Variants in MORC2 observed in about 807,000 individuals in gnomAD.
MORC2 encodes MORC family CW-type zinc finger 2.
In MORC2, 30 loss-of-function variants were observed where a neutral mutation model predicts 136.0. That is an observed-to-expected ratio of 0.22 (90% CI 0.17 to 0.30). MORC2 has a LOEUF of 0.30. Among genes scored for constraint, MORC2 ranks in the 10% least tolerant of loss-of-function variants. The pLI is 1.00. For missense variants in MORC2, 922 were observed against 1,333.1 expected, an observed-to-expected ratio of 0.69 and a Z score of 4.80; for synonymous variants, 439 against 487.0, an observed-to-expected ratio of 0.90 and a Z score of 1.30.
Position 30,932,221 on chromosome 22 carries a change from G to C in MORC2, c.2841+138C>G, listed in dbSNP as rs1020436940. Reference sequence around the variant, plus strand: ...CTCCTCTTCTTTCAGCAGGAGAGAGGCTGGCTGAGATGGAGCACACAGCTG... The same window carrying C: ...CTCCTCTTCTTTCAGCAGGAGAGAGCCTGGCTGAGATGGAGCACACAGCTG... On this transcript the variant is annotated intron_variant, in intron 24 of 25. Coordinates refer to ENST00000397641, the MANE Select transcript of MORC2 (RefSeq NM_001303256.3). The surrounding 1 kb of genome is among the most constrained non-coding windows in gnomAD (Gnocchi z 4.4). 16 of 796,554 alleles carry C rather than the reference G, an allele frequency of 2.0e-5. No individual in the cohort carries two copies. The highest frequency in any genetic ancestry group is 6.9e-5 in the South Asian group (4 of 58,330). The allele number at this position is 796,554 out of a possible 1,614,324, so 49.3% of individuals were successfully genotyped here. A position where few individuals can be genotyped will look rare whatever the true frequency, so the allele number is the denominator to read the frequency against.
At chr22:30,955,020 G>C (rs1446700390) in intron 3 of MORC2, among the ~76,000 whole-genome samples, 2 of 142,190 alleles carry the variant, frequency 1.4e-5, no homozygotes, top group Non-Finnish European at 3.0e-5. Context: ...GTGCAATGGT[G>C]CGATCTTGGC....
chr22:30,936,592 C>G lies in MORC2; in HGVS notation c.1656G>C (p.Lys552Asn), dbSNP rs2040655083. Residue 552 changes from lysine (K) to asparagine (N), a missense_variant, in exon 17 of 26, where the codon AAG becomes AAC. Physicochemically the swap from Lys to Asn is moderately conservative, Grantham distance 94. Transcript: ENST00000397641. ...KQKVPLGTFR[K>N]DMKTQEEKQK... ...GCTTCTCTTCCTGCGTCTTCATGTCCTTTCTGAATGTTCCCAGGGGAACCT... is the reference window on the plus strand; with the variant it reads ...GCTTCTCTTCCTGCGTCTTCATGTCGTTTCTGAATGTTCCCAGGGGAACCT... 1 of 1,614,148 alleles carries G rather than the reference C, an allele frequency of 6.2e-7. No homozygotes were observed. Among genetic ancestry groups the G allele is most frequent in the Non-Finnish European group, 8.5e-7 (1 of 1,180,032 alleles).
At chr22:30,954,527 C>T (rs1241514249) in intron 3 of MORC2, among the ~76,000 whole-genome samples, 2 of 152,160 alleles carry the variant, frequency 1.3e-5, no homozygotes, top group East Asian at 3.8e-4. Context: ...ATTGTCTCTC[C>T]AATTAAAGAC....
intron 1 of MORC2, chr22:30,966,961 T>C (rs2041137314): frequency 6.3e-6 from 2 of 319,780 alleles, no homozygotes; most frequent in Non-Finnish European, 9.0e-6. Context: ...TATTACTACA[T>C]AATGGAAGTC....
intron 2 of MORC2, among the ~76,000 whole-genome samples, chr22:30,957,767 G>GT (rs1011976995): frequency 3.7e-4 from 57 of 152,178 alleles, no homozygotes; most frequent in African/African-American, 1.3e-3. Flanking sequence ...GAGTTTTCTG[G>GT]TTAAACAACT....
intron 17 of MORC2, 70 bp from the exon 18 acceptor site, chr22:30,935,392 G>T: frequency 6.8e-7 from 1 of 1,470,886 alleles, no homozygotes; most frequent in Non-Finnish European, 9.4e-7. Flanking sequence ...TTTGGATAGT[G>T]TCTGGAACCA....
At chr22:30,928,278 C>T (rs751691602) in intron 24 of MORC2, 71 bp from the exon 25 acceptor site, 17 of 1,493,542 alleles carry the variant, frequency 1.1e-5, no homozygotes, top group Middle Eastern at 1.7e-4. Context: ...TAGGCTGACA[C>T]GGGTGTCTCC....
At chr22:30,942,783 C>T (rs1279059673) in intron 6 of MORC2, among the ~76,000 whole-genome samples, 1 of 152,028 alleles carries the variant, frequency 6.6e-6, no homozygotes, top group East Asian at 1.9e-4. Flanking sequence ...GGTGGATGGA[C>T]TGCCTGAGCT....
chr22:30,937,807 C>T lies in MORC2; in HGVS notation c.1369+8G>A, dbSNP rs748333692. On this transcript the variant is annotated splice_region_variant and intron_variant, in intron 14 of 25. Coordinates refer to ENST00000397641, the MANE Select transcript of MORC2 (RefSeq NM_001303256.3). The surrounding 1 kb of genome is among the most constrained non-coding windows in gnomAD (Gnocchi z 4.7). ...AAAGGCAGAGGCCCAGCAGCCCAGCCCCATTACCGATGGCAATATCCTTCC... is the reference window on the plus strand; with the variant it reads ...AAAGGCAGAGGCCCAGCAGCCCAGCTCCATTACCGATGGCAATATCCTTCC... 1 of 1,614,128 alleles carries T rather than the reference C, an allele frequency of 6.2e-7. No homozygotes were observed. Among genetic ancestry groups the T allele is most frequent in the South Asian group, 1.1e-5 (1 of 91,068 alleles).
intron 25 of MORC2, 69 bp downstream of exon 25, chr22:30,927,950 A>C (rs1426726417): frequency 1.3e-6 from 2 of 1,571,990 alleles, no homozygotes; most frequent in Non-Finnish European, 1.7e-6. Context: ...GAGAACAGGA[A>C]CAGGGCCCAG....
rs113581157 is a variant in MORC2 at position 30,937,080 on chromosome 22, A to C, written c.1499-43T>G. On this transcript the variant is annotated intron_variant, in intron 15 of 25. Transcript: ENST00000397641. This position sits in a 1 kb window ranked among gnomAD's most constrained non-coding sequence, Gnocchi z 4.7. Reference sequence around the variant, plus strand: ...ACCCCACATATCAGCCACGCCCACCAACTCTATCTGTAATCCGGGTTCCTC... The same window carrying C: ...ACCCCACATATCAGCCACGCCCACCCACTCTATCTGTAATCCGGGTTCCTC... 4.4e-5 allele frequency: 62 copies of C among 1,423,072 alleles called. 1 individual carries two copies. The highest frequency in any genetic ancestry group is 4.2e-4 in the African/African-American group (30 of 71,152). The allele number at this position is 1,423,072 out of a possible 1,614,324, so 88.2% of individuals were successfully genotyped here. A position where few individuals can be genotyped will look rare whatever the true frequency, so the allele number is the denominator to read the frequency against.
rs28712695 is a variant in MORC2 at position 30,962,690 on chromosome 22, C to T, written c.69-3996G>A. On this transcript the variant is annotated intron_variant, in intron 1 of 25. Transcript: ENST00000397641. ...ATATTTCAGATAAGCTAACAGTAGC[C>T]TTTACAATGTAGCCAAAGGGTACTT... Among the ~76,000 whole-genome samples, 568 of 151,930 alleles carry T rather than the reference C, an allele frequency of 3.7e-3. 4 individuals are homozygous for T. The highest frequency in any genetic ancestry group is 0.014 in the Middle Eastern group (4 of 290).
chr22:30,949,304 C>T (rs2040857941), intron 5 of MORC2, among the ~76,000 whole-genome samples: 1 of 152,188 alleles, frequency 6.6e-6, no homozygotes, highest in Non-Finnish European at 1.5e-5. Context: ...ACGGAGGGCT[C>T]ACATCTCTCT....
intron 1 of MORC2, among the ~76,000 whole-genome samples, chr22:30,966,497 G>A (rs769570056): frequency 6.6e-6 from 1 of 152,098 alleles, no homozygotes; most frequent in Non-Finnish European, 1.5e-5. Flanking sequence ...GCTACAGGCC[G>A]GCCATGGTGG....
chr22:30,927,315 T>G (rs1449090396), intron 25 of MORC2, among the ~76,000 whole-genome samples: 1 of 151,656 alleles, frequency 6.6e-6, no homozygotes, highest in African/African-American at 2.4e-5. Flanking sequence ...GCCACACCCC[T>G]CCAGTGATCT....
chr22:30,947,227 G>A (rs1490554218), intron 5 of MORC2, among the ~76,000 whole-genome samples: 1 of 152,222 alleles, frequency 6.6e-6, no homozygotes, highest in East Asian at 1.9e-4. Context: ...TGGGAACTGT[G>A]CCTTGAGGCT....
At chr22:30,961,947 G>A (rs781519680) in intron 1 of MORC2, among the ~76,000 whole-genome samples, 13 of 152,080 alleles carry the variant, frequency 8.5e-5, no homozygotes, top group Non-Finnish European at 1.9e-4. Flanking sequence ...TATAAACCCA[G>A]CACTTTGGGA....
At position 30,932,846 on chromosome 22, in the gene MORC2, CCTCCTTCGAGGAACCA is replaced by C. The variant is rs1410567700; in HGVS notation, c.2522+27_2522+42del. On this transcript the variant is annotated intron_variant, in intron 22 of 25. Coordinates refer to ENST00000397641, the MANE Select transcript of MORC2 (RefSeq NM_001303256.3). The surrounding 1 kb of genome is among the most constrained non-coding windows in gnomAD (Gnocchi z 4.4). ...GCTGCTGGCAGGGAGGCCGGGGATA[CCTCCTTCGAGGAACCA>C]CTGCTCCTCCCTGATTGGGGCATTA... 1.2e-6 allele frequency: 2 copies of C among 1,613,698 alleles called. 1 individual carries two copies. The highest frequency in any genetic ancestry group is 4.5e-5 in the East Asian group (2 of 44,874).
intron 17 of MORC2, among the ~76,000 whole-genome samples, chr22:30,936,090 G>A (rs1237265867): frequency 6.6e-6 from 1 of 152,070 alleles, no homozygotes; most frequent in Non-Finnish European, 1.5e-5. Context: ...ATGTGTATGT[G>A]TATGTATTAA....
Sources: allele counts gnomAD v4.1 joint callset (sites outside exome capture counted in the v4.1 genomes callset), GRCh38; gene constraint gnomAD v4.1.1; non-coding constraint Gnocchi (gnomAD v3.1); transcripts MANE v1.5; gene names NCBI Gene and HGNC (gene_info 2026-07-23, HGNC 2026-07-21).